The following ERBB4 variants were observed in gnomAD, a reference collection of about 807,000 sequenced individuals.
ERBB4 encodes receptor tyrosine-protein kinase erbB-4.
Under a neutral mutation model 158.0 loss-of-function variants are expected in ERBB4, and 42 were observed. The ratio of observed to expected loss-of-function variants is 0.27; its 90% CI spans 0.21 to 0.34. ERBB4 has a LOEUF of 0.34. Ranked by LOEUF, ERBB4 falls within the 10% of genes least tolerant of loss-of-function variation. ERBB4 has a pLI of 1.00. For missense variants in ERBB4, 1,333 were observed against 1,624.1 expected (o/e 0.82, Z 3.08); for synonymous variants, 583 against 558.7 (o/e 1.04, Z -0.61).
chr2:212,141,650 G>C (rs944695182), intron 1 of ERBB4, among the ~76,000 whole-genome samples: 1 of 151,778 alleles, frequency 6.6e-6, no homozygotes, highest in Non-Finnish European at 1.5e-5. Context: ...AATCTAGTCA[G>C]TCAACTATTC....
At chr2:212,055,487 G>A (rs960463234) in intron 2 of ERBB4, among the ~76,000 whole-genome samples, 10 of 152,210 alleles carry the variant, frequency 6.6e-5, no homozygotes, top group Admixed American at 6.5e-5. Flanking sequence ...CCCCTCAAGT[G>A]GGTACCTGAC....
At chr2:211,415,102 A>ATTTTT (rs1395575088) in intron 25 of ERBB4, among the ~76,000 whole-genome samples, 2 of 81,012 alleles carry the variant, frequency 2.5e-5, no homozygotes, top group Admixed American at 1.3e-4. Flanking sequence ...TGAAACTTAC[A>ATTTTT]TTTTCTTTTT....
intron 1 of ERBB4, among the ~76,000 whole-genome samples, chr2:212,156,729 T>C (rs1482879251): frequency 6.6e-6 from 1 of 152,134 alleles, no homozygotes; most frequent in African/African-American, 2.4e-5. Flanking sequence ...AACTTGCCTG[T>C]CTTCTAGTTC....
At chr2:211,432,507 C>A (rs73067256) in intron 20 of ERBB4, among the ~76,000 whole-genome samples, 2,133 of 152,010 alleles carry the variant, frequency 0.014, 54 homozygotes, top group African/African-American at 0.049. Context: ...CTTTTGCCCT[C>A]TCTCCTAAAC....
rs991461878 is a variant in ERBB4 at position 212,269,682 on chromosome 2, C to A, written c.83-144779G>T. Among the ~76,000 whole-genome samples the A allele has an allele frequency of 2.6e-5, 4 of 151,844 alleles. No individual in the cohort carries two copies. In the South Asian group the frequency reaches 6.2e-4, roughly 24 times the overall value. On this transcript the variant is annotated intron_variant, in intron 1 of 27. Transcript: ENST00000342788. ...TCTAAAGTGTTGATATAATGAGATT[C>A]AAAGACCCAGAGTCAAGAATTGTAA...
At chr2:212,023,531 GATGA>G (rs1028771264) in intron 2 of ERBB4, among the ~76,000 whole-genome samples, 1 of 151,288 alleles carries the variant, frequency 6.6e-6, no homozygotes, top group Non-Finnish European at 1.5e-5. Context: ...AAAAAAAACA[GATGA>G]ATAAGTCAAT....
intron 20 of ERBB4, among the ~76,000 whole-genome samples, chr2:211,520,831 AT>A (rs1236970681): frequency 6.6e-6 from 1 of 152,122 alleles, no homozygotes; most frequent in African/African-American, 2.4e-5. Context: ...AAACTTTGTT[AT>A]AATTATTATA....
chr2:212,359,855 A>AT (rs549530057), intron 1 of ERBB4, among the ~76,000 whole-genome samples: 50 of 149,094 alleles, frequency 3.4e-4, no homozygotes, highest in South Asian at 6.4e-4. Flanking sequence ...TCTACTTTAC[A>AT]TTTTTTTTTT....
chr2:211,668,881 A>G (rs917733454), intron 14 of ERBB4, among the ~76,000 whole-genome samples: 4 of 152,262 alleles, frequency 2.6e-5, no homozygotes, highest in East Asian at 3.9e-4. Flanking sequence ...ATGGTAGACC[A>G]TAACAGGGAG....
At chr2:212,191,865 T>G (rs933611734) in intron 1 of ERBB4, among the ~76,000 whole-genome samples, 4 of 72,668 alleles carry the variant, frequency 5.5e-5, no homozygotes, top group African/African-American at 1.9e-4. Flanking sequence ...GTTCTATATA[T>G]TATATATAAT....
chr2:212,217,223 A>G (rs1405442746), intron 1 of ERBB4, among the ~76,000 whole-genome samples: 1 of 151,382 alleles, frequency 6.6e-6, no homozygotes, highest in African/African-American at 2.4e-5. Context: ...CAAGCCCTAT[A>G]TCACAATTTA....
At chr2:211,560,305 C>T (rs144317620) in intron 20 of ERBB4, among the ~76,000 whole-genome samples, 1,203 of 102,834 alleles carry the variant, frequency 0.012, 23 homozygotes, top group African/African-American at 0.051. Flanking sequence ...ATGGAGTTTC[C>T]CTCTTGCTGC....
At chr2:212,116,579 G>A (rs2079577953) in intron 2 of ERBB4, among the ~76,000 whole-genome samples, 1 of 151,924 alleles carries the variant, frequency 6.6e-6, no homozygotes, top group African/African-American at 2.4e-5. Context: ...TCCTGAGTAG[G>A]TGGGATTACA....
At chr2:212,155,460 GTA>G (rs2081007467) in intron 1 of ERBB4, among the ~76,000 whole-genome samples, 1 of 151,916 alleles carries the variant, frequency 6.6e-6, no homozygotes. Flanking sequence ...CACATTTCAG[GTA>G]TATGTTTAAA....
Position 211,912,597 on chromosome 2 carries a change from A to G in ERBB4, c.421+34833T>C, listed in dbSNP as rs142539878. On this transcript the variant is annotated intron_variant, in intron 3 of 27. Transcript: ENST00000342788. Reference sequence around the variant, plus strand: ...CTCTGACTATAACTCTCAGGTTTGTATTGACAAAATTGAGATATACTAATG... The same window carrying G: ...CTCTGACTATAACTCTCAGGTTTGTGTTGACAAAATTGAGATATACTAATG... Among the ~76,000 whole-genome samples the G allele has an allele frequency of 3.9e-3, 600 of 152,342 alleles. 7 individuals are homozygous for G. The highest frequency in any genetic ancestry group is 0.014 in the African/African-American group (574 of 41,578).
At chr2:212,249,061 G>T (rs1046162001) in intron 1 of ERBB4, among the ~76,000 whole-genome samples, 2 of 151,952 alleles carry the variant, frequency 1.3e-5, no homozygotes, top group African/African-American at 4.8e-5. Flanking sequence ...TATATTTGGG[G>T]TTATTTTAAC....
At chr2:212,288,377 G>A (rs934155943) in intron 1 of ERBB4, among the ~76,000 whole-genome samples, 1 of 152,088 alleles carries the variant, frequency 6.6e-6, no homozygotes, top group African/African-American at 2.4e-5. Context: ...GTGTGCTTGA[G>A]GAACCACGAA....
intron 1 of ERBB4, among the ~76,000 whole-genome samples, chr2:212,174,278 C>T (rs1412945281): frequency 6.6e-6 from 1 of 152,060 alleles, no homozygotes; most frequent in African/African-American, 2.4e-5. Context: ...TTAATTATGG[C>T]AGATGTTTAT....
At chr2:211,681,786 A>G (rs529557440) in intron 12 of ERBB4, among the ~76,000 whole-genome samples, 282 of 152,072 alleles carry the variant, frequency 1.9e-3, no homozygotes, top group African/African-American at 6.4e-3. Context: ...ATGTCTTTCC[A>G]TTCTTTTAAT....
Sources: allele counts gnomAD v4.1 joint callset (sites outside exome capture counted in the v4.1 genomes callset), GRCh38; gene constraint gnomAD v4.1.1; transcripts MANE v1.5; gene names NCBI Gene and HGNC (gene_info 2026-07-23, HGNC 2026-07-21).